AOPEP: variants seen among roughly 807,000 people sequenced by gnomAD.
The protein encoded by AOPEP is aminopeptidase O (putative), also known as aminopeptidase O.
AOPEP carries 77 observed loss-of-function variants against 98.1 expected under a neutral mutation model. The observed-to-expected ratio is 0.78, with a 90% CI of 0.65 to 0.95. The LOEUF (loss-of-function observed/expected upper bound fraction) is 0.95, where lower values mean the gene tolerates loss of function less well. AOPEP is among the 40% of genes least tolerant of loss of function. The probability of loss-of-function intolerance (pLI) is 0.00; values close to 1 mark genes in which losing one functional copy is unlikely to be tolerated. For synonymous variants in AOPEP, 346 were observed against 365.3 expected (o/e 0.95, Z 0.60); for missense variants, 1,024 against 1,024.7 (o/e 1.00, Z 0.01).
At chr9:94,909,705 AT>A (rs1332074486) in intron 5 of AOPEP, among the ~76,000 whole-genome samples, 1 of 152,192 alleles carries the variant, frequency 6.6e-6, no homozygotes, top group African/African-American at 2.4e-5. Flanking sequence ...TCTGCCCTAG[AT>A]CCCCACAAGC....
At chr9:94,920,821 C>T (rs755452580) in intron 5 of AOPEP, among the ~76,000 whole-genome samples, 17 of 152,130 alleles carry the variant, frequency 1.1e-4, no homozygotes, top group Non-Finnish European at 1.8e-4. Flanking sequence ...AGGGGCAAGG[C>T]GGCAGACATG....
intron 16 of AOPEP, among the ~76,000 whole-genome samples, chr9:95,084,546 G>A (rs922696328): frequency 2.0e-5 from 3 of 152,174 alleles, no homozygotes; most frequent in Admixed American, 6.5e-5. Flanking sequence ...TTGTTATTTC[G>A]TGGCGTACGT....
At chr9:94,864,669 A>G (rs1477009081) in intron 5 of AOPEP, among the ~76,000 whole-genome samples, 1 of 152,130 alleles carries the variant, frequency 6.6e-6, no homozygotes. Flanking sequence ...AGAGACTTCT[A>G]ATGGTATGTG....
chr9:95,064,541 G>A (rs1398883728), intron 14 of AOPEP, among the ~76,000 whole-genome samples: 1 of 152,188 alleles, frequency 6.6e-6, no homozygotes, highest in African/African-American at 2.4e-5. Flanking sequence ...CACCTGCCTT[G>A]GCTTCCCAAA....
At position 95,002,908 on chromosome 9, in the gene AOPEP, CAA is replaced by C. The variant is rs573314470; in HGVS notation, c.1978-2249_1978-2248del. Among the ~76,000 whole-genome samples the C allele has an allele frequency of 1.2e-4, 18 of 152,300 alleles. No individual in the cohort carries two copies. In the East Asian group the frequency reaches 1.7e-3, roughly 15 times the overall value. On this transcript the variant is annotated intron_variant, in intron 11 of 16. Coordinates refer to ENST00000375315, the MANE Select transcript of AOPEP (RefSeq NM_001193329.3). ...GTTGGGGGACAAAGGACAAACGAGA[CAA>C]GAGGCAATTAGGATGGGTCACAGCT...
At chr9:94,746,881 C>A (rs951927204) in intron 1 of AOPEP, among the ~76,000 whole-genome samples, 1 of 152,104 alleles carries the variant, frequency 6.6e-6, no homozygotes, top group South Asian at 2.1e-4. Flanking sequence ...CCCCTCCCCC[C>A]CACTTGACTG....
At chr9:94,962,156 C>T (rs1224090801) in intron 9 of AOPEP, among the ~76,000 whole-genome samples, 1 of 152,152 alleles carries the variant, frequency 6.6e-6, no homozygotes, top group East Asian at 1.9e-4. Flanking sequence ...GCAGCTTTTT[C>T]CCACTGTGTT....
chr9:95,096,240 G>A, the AOPEP span, among the ~76,000 whole-genome samples: 1 of 152,182 alleles, frequency 6.6e-6, no homozygotes, highest in Non-Finnish European at 1.5e-5. Flanking sequence ...ACATGTACAC[G>A]TGATTTACTC....
intron 5 of AOPEP, chr9:94,810,124 G>A (rs1437460609): frequency 1.3e-5 from 2 of 155,356 alleles, no homozygotes; most frequent in African/African-American, 4.8e-5. Flanking sequence ...GCTCCCTGGT[G>A]AGGCTTCCTG....
the AOPEP span, among the ~76,000 whole-genome samples, chr9:95,140,047 A>G: frequency 6.6e-6 from 1 of 152,054 alleles, no homozygotes; most frequent in African/African-American, 2.4e-5. Context: ...TGAATTCAAG[A>G]AAACAGAGTA....
intron 2 of AOPEP, 117 bp downstream of exon 2, chr9:94,760,697 C>A: frequency 2.5e-6 from 2 of 792,932 alleles, no homozygotes; most frequent in Non-Finnish European, 3.8e-6. Context: ...TGACATTACC[C>A]AAGTAGCCTC....
the AOPEP span, among the ~76,000 whole-genome samples, chr9:95,105,326 C>A: frequency 6.6e-6 from 1 of 152,162 alleles, no homozygotes; most frequent in African/African-American, 2.4e-5. Context: ...GCAGGAGGGG[C>A]CTCTGGGGAC....
intron 13 of AOPEP, among the ~76,000 whole-genome samples, chr9:95,056,012 G>A (rs982650330): frequency 2.0e-5 from 3 of 152,148 alleles, no homozygotes; most frequent in African/African-American, 7.2e-5. Flanking sequence ...GGGAAGAATT[G>A]ATCTTTCTGT....
At chr9:94,822,643 A>G (rs942395274) in intron 5 of AOPEP, among the ~76,000 whole-genome samples, 6 of 152,060 alleles carry the variant, frequency 3.9e-5, no homozygotes, top group African/African-American at 1.4e-4. Flanking sequence ...CTGCTGGAGC[A>G]TTTTCTGATT....
intron 7 of AOPEP, among the ~76,000 whole-genome samples, chr9:94,941,009 G>C (rs1035735074): frequency 3.3e-5 from 5 of 152,150 alleles, no homozygotes; most frequent in Non-Finnish European, 7.3e-5. Flanking sequence ...AAAAGTGCAA[G>C]AATGCCTGGT....
rs562869300 is a variant in AOPEP, at chr9:94,884,870, G to A, written c.1365-39116G>A. Among the ~76,000 whole-genome samples the A allele has an allele frequency of 2.1e-3, 322 of 150,496 alleles. 2 individuals are homozygous for A. The highest frequency in any genetic ancestry group is 4.0e-3 in the Non-Finnish European group (273 of 67,922). On this transcript the variant is annotated intron_variant, in intron 5 of 16. Transcript: ENST00000375315. ...TTAAAAATATAAAAATTAGCTGGGCGTGGTGGCGGGCGCCTGTAGTCCCAG... is the reference window on the plus strand; with the variant it reads ...TTAAAAATATAAAAATTAGCTGGGCATGGTGGCGGGCGCCTGTAGTCCCAG...
At position 94,792,760 on chromosome 9, in the gene AOPEP, T is replaced by C; in HGVS notation, c.965-5T>C. ...TCATTATGGTTTTTCTCTTCCTGTT[T>C]ACAGAGTGCTCAAGCTGGTATTACT... is the stretch of plus-strand genomic sequence containing the variant. On this transcript the variant is annotated splice_region_variant and splice_polypyrimidine_tract_variant and intron_variant, in intron 3 of 16. Transcript: ENST00000375315. 6.3e-7 allele frequency: 1 copy of C among 1,594,554 alleles called. No homozygotes were observed. The highest frequency in any genetic ancestry group is 8.6e-7 in the Non-Finnish European group (1 of 1,167,722).
intron 1 of AOPEP, among the ~76,000 whole-genome samples, chr9:94,728,103 A>C (rs532911017): frequency 6.6e-6 from 1 of 152,350 alleles, no homozygotes; most frequent in South Asian, 2.1e-4. Flanking sequence ...ATAGTTGCAC[A>C]CAATTTTATG....
intron 5 of AOPEP, among the ~76,000 whole-genome samples, chr9:94,844,039 A>G (rs2042565678): frequency 6.6e-6 from 1 of 152,008 alleles, no homozygotes; most frequent in Non-Finnish European, 1.5e-5. Flanking sequence ...TTATTTTCTT[A>G]AAGGAGGATA....
Sources: gnomAD v4.1 joint callset for allele counts (sites outside exome capture counted in the v4.1 genomes callset) on GRCh38, gnomAD v4.1.1 for gene constraint, MANE v1.5 for transcripts, NCBI Gene and HGNC (gene_info 2026-07-23, HGNC 2026-07-21) for gene names.